The following ZNF655 variants were observed in gnomAD, a reference collection of about 807,000 sequenced individuals.
ZNF655 encodes zinc finger protein 655, also known as Vav-interacting Kruppel-like protein 1.
Under a neutral mutation model 6.6 loss-of-function variants are expected in ZNF655, and 3 were observed. That is an observed-to-expected ratio of 0.46 (90% CI 0.21 to 1.18). ZNF655 has a LOEUF of 1.18. Ranked by LOEUF, ZNF655 falls within the 50% of genes most tolerant of loss-of-function variation. ZNF655 has a pLI of 0.24. For synonymous variants in ZNF655, 178 were observed against 195.0 expected, an observed-to-expected ratio of 0.91 and a Z score of 0.73; for missense variants, 526 against 572.3, an observed-to-expected ratio of 0.92 and a Z score of 0.83.
intron 2 of ZNF655, among the ~76,000 whole-genome samples, chr7:99,561,473 C>T (rs979089359): frequency 6.6e-6 from 1 of 152,130 alleles, no homozygotes; most frequent in African/African-American, 2.4e-5. Context: ...TGAGACAGCA[C>T]CCATTCACAA....
In ZNF655 at chr7:99,573,289, A is replaced by G. The variant is rs750996378; in HGVS notation, c.1181A>G (p.His394Arg). The G allele has an allele frequency of 1.9e-6, 3 of 1,614,180 alleles. No individual in the cohort carries two copies. The highest frequency in any genetic ancestry group is 2.5e-6 in the Non-Finnish European group (3 of 1,180,004). ...GGAAAAGACTTCAGATTGAATTCACATCTTATTCAGCATCAAAGAATTCAC... is the reference window on the plus strand; with the variant it reads ...GGAAAAGACTTCAGATTGAATTCACGTCTTATTCAGCATCAAAGAATTCAC... Reference protein sequence around the residue: ...ECGKDFRLNSHLIQHQRIHTG... With the variant: ...ECGKDFRLNSRLIQHQRIHTG... The change falls in exon 3 of 3, where the codon CAT becomes CGT. Residue 394 changes from histidine (H) to arginine (R), a missense_variant. His to Arg is a conservative substitution (Grantham distance 29, BLOSUM62 0). Transcript: ENST00000252713.
chr7:99,561,960 C>T (rs1803216754), intron 2 of ZNF655: 2 of 1,592,440 alleles, frequency 1.3e-6, no homozygotes, highest in Admixed American at 1.7e-5. Flanking sequence ...GCGCTCTTGA[C>T]AGCCAGGTAC....
intron 2 of ZNF655, 176 bp downstream of exon 2, chr7:99,560,871 A>G (rs989837410): frequency 1.6e-6 from 1 of 611,484 alleles, no homozygotes; most frequent in Non-Finnish European, 2.6e-6. Flanking sequence ...GAGCCCCTTT[A>G]TTAAGGATAG....
intron 2 of ZNF655, among the ~76,000 whole-genome samples, chr7:99,561,564 C>T (rs1232712963): frequency 6.6e-6 from 1 of 152,108 alleles, no homozygotes. Flanking sequence ...AGGACAAGTC[C>T]CCACAAGTCT....
intron 1 of ZNF655, chr7:99,558,994 G>C (rs1245932157): frequency 6.6e-6 from 1 of 152,410 alleles, no homozygotes; most frequent in Non-Finnish European, 1.5e-5. Flanking sequence ...TCAGGAGCCG[G>C]CGACCGTGCC....
rs367802632 is a variant in ZNF655 at position 99,573,375 on chromosome 7, C to T, written c.1267C>T (p.Leu423Phe). ...AAAAGCTTTCAGTCAAACCTCATGCCTTATTCAGCATCACAAAATGCATAG... is the reference window on the plus strand; with the variant it reads ...AAAAGCTTTCAGTCAAACCTCATGCTTTATTCAGCATCACAAAATGCATAG... ...CGKAFSQTSCLIQHHKMHRKE... is the reference protein window; with the variant it reads ...CGKAFSQTSCFIQHHKMHRKE... Residue 423 changes from leucine (L) to phenylalanine (F), a missense_variant, in exon 3 of 3, where the codon CTT becomes TTT. Coordinates refer to ENST00000252713, the MANE Select transcript of ZNF655 (RefSeq NM_138494.3). 6.2e-7 allele frequency: 1 copy of T among 1,614,126 alleles called. No individual in the cohort carries two copies. Among genetic ancestry groups the T allele is most frequent in the Non-Finnish European group, 8.5e-7 (1 of 1,180,010 alleles).
In ZNF655 at chr7:99,573,241, A is replaced by G; in HGVS notation, c.1133A>G (p.Lys378Arg). 6.2e-7 allele frequency: 1 copy of G among 1,614,184 alleles called. No homozygotes were observed. ...IKQQGIHFRE[K>R]PYTCSECGKD... ...CAACAAGGAATTCATTTCAGAGAAA[A>G]GCCCTATACGTGTAGTGAATGTGGA... The change falls in exon 3 of 3, where the codon AAG (lysine) becomes AGG (arginine). Residue 378 changes from lysine to arginine, a missense_variant. Transcript: ENST00000252713.
intron 2 of ZNF655, chr7:99,562,419 G>T (rs1220824740): frequency 6.2e-7 from 1 of 1,614,136 alleles, no homozygotes; most frequent in South Asian, 1.1e-5. Context: ...AGAGGAATGG[G>T]GATACCTGGA....
Position 99,573,045 on chromosome 7 carries a change from A to T in ZNF655, c.937A>T (p.Ser313Cys). 6.2e-7 allele frequency: 1 copy of T among 1,614,192 alleles called. No homozygotes were observed. Among genetic ancestry groups the T allele is most frequent in the African/African-American group, 1.3e-5 (1 of 75,066 alleles). ...ATGTAGCAGTTGTGAAAGAGTCTTC[A>T]GTCGTAGTGTCCACCTTACTCAACA... ...YKCSSCERVF[S>C]RSVHLTQHQK... Residue 313 changes from serine to cysteine, a missense_variant, in exon 3 of 3, where the codon AGT becomes TGT. Physicochemically the swap from Ser to Cys is moderately radical, Grantham distance 112. Coordinates refer to ENST00000252713, the MANE Select transcript of ZNF655 (RefSeq NM_138494.3).
intron 2 of ZNF655, chr7:99,564,056 G>A (rs767415934): frequency 1.9e-6 from 3 of 1,601,434 alleles, no homozygotes; most frequent in East Asian, 4.5e-5. Flanking sequence ...TTCCACGATT[G>A]TGAGATATTA....
At chr7:99,563,507 G>A (rs1322458504) in intron 2 of ZNF655, among the ~76,000 whole-genome samples, 2 of 151,788 alleles carry the variant, frequency 1.3e-5, no homozygotes, top group Admixed American at 6.6e-5. Context: ...TAGTAGAGAC[G>A]GGGTTTCACC....
rs1305235196 is a variant in ZNF655, at chr7:99,558,677, C to G, written c.-138C>G. On this transcript the variant is annotated 5_prime_UTR_variant, in exon 1 of 3. Coordinates refer to ENST00000252713, the MANE Select transcript of ZNF655 (RefSeq NM_138494.3). ...CTGCACTCCGTCGCCGGAAGTGCCA[C>G]CGAGAAGCGCCGGCCTCGGGGCTGT... 1 of 152,240 alleles carries G rather than the reference C, an allele frequency of 6.6e-6. No homozygotes were observed. 9.4% of individuals were successfully genotyped at this position (152,240 alleles called of 1,614,324 possible). A position where few individuals can be genotyped will look rare whatever the true frequency, so the allele number is the denominator to read the frequency against.
intron 2 of ZNF655, among the ~76,000 whole-genome samples, chr7:99,568,789 T>C (rs1584259416): frequency 6.6e-6 from 1 of 151,560 alleles, no homozygotes; most frequent in Admixed American, 6.6e-5. Flanking sequence ...TGTTGGTTGA[T>C]TGACTGACTG....
rs193067416 is a variant in ZNF655, at chr7:99,574,481, G to C, written c.*897G>C. On this transcript the variant is annotated 3_prime_UTR_variant, in exon 3 of 3. Transcript: ENST00000252713. ...TGGTCTTGAACTCCTGGCCTCAAGC[G>C]ATCCTCCCACCTGTCCTCCCAAAGT... The C allele has an allele frequency of 6.6e-6, 1 of 152,144 alleles. No homozygotes were observed. Among genetic ancestry groups the C allele is most frequent in the African/African-American group, 2.4e-5 (1 of 41,416 alleles). 9.4% of individuals were successfully genotyped at this position (152,144 alleles called of 1,614,324 possible).
rs1212838561 is a variant in ZNF655 at position 99,572,447 on chromosome 7, T to C, written c.339T>C (p.Phe113=). 6 of 1,613,728 alleles carry C rather than the reference T, an allele frequency of 3.7e-6. No individual in the cohort carries two copies. Among genetic ancestry groups the C allele is most frequent in the East Asian group, 2.2e-5 (1 of 44,878 alleles). Residue 113 remains phenylalanine (F), a synonymous_variant, in exon 3 of 3, where the codon TTT becomes TTC. Coordinates refer to ENST00000252713, the MANE Select transcript of ZNF655 (RefSeq NM_138494.3). ...AATTTCTGTACCTGGAGAGAGAGTT[T>C]AGGCAAATAACAATCAGCAAGGAAA... ...LRKFLYLERE[F]RQITISKETF...
At chr7:99,564,825 A>G (rs965535507) in intron 2 of ZNF655, 2 of 484,430 alleles carry the variant, frequency 4.1e-6, no homozygotes, top group African/African-American at 4.2e-5. Flanking sequence ...CACACTCGAC[A>G]TGCAGTCGAC....
chr7:99,573,843 G>T lies in ZNF655; in HGVS notation c.*259G>T. 2.4e-6 allele frequency: 1 copy of T among 422,552 alleles called. No homozygotes were observed. The allele number at this position is 422,552 out of a possible 1,614,324, so 26.2% of individuals were successfully genotyped here. ...AAATCTTACAAATGTATTGAATGTG[G>T]CAAATTTTTCATGCTATTAGTATTT... On this transcript the variant is annotated 3_prime_UTR_variant, in exon 3 of 3. Transcript: ENST00000252713.
At chr7:99,568,244 A>G (rs1336015706) in intron 2 of ZNF655, among the ~76,000 whole-genome samples, 1 of 149,184 alleles carries the variant, frequency 6.7e-6, no homozygotes, top group Non-Finnish European at 1.5e-5. Context: ...TGTTTGGACT[A>G]TTGTCTAGGG....
At chr7:99,559,002 G>A (rs1802841258) in intron 1 of ZNF655, 1 of 152,414 alleles carries the variant, frequency 6.6e-6, no homozygotes, top group East Asian at 1.9e-4. Flanking sequence ...CGGCGACCGT[G>A]CCCTGGTGCG....
Sources: gnomAD v4.1 joint callset for allele counts (sites outside exome capture counted in the v4.1 genomes callset) on GRCh38, gnomAD v4.1.1 for gene constraint, MANE v1.5 for transcripts, NCBI Gene and HGNC (gene_info 2026-07-23, HGNC 2026-07-21) for gene names.